Variants in KAZN observed in about 807,000 individuals in gnomAD.
KAZN encodes the protein kazrin.
Under a neutral mutation model 87.4 loss-of-function variants are expected in KAZN, and 40 were observed. That is an observed-to-expected ratio of 0.46 (90% CI 0.36 to 0.60). The LOEUF (loss-of-function observed/expected upper bound fraction) is 0.60. Among genes scored for constraint, KAZN ranks in the 20% least tolerant of loss-of-function variants. KAZN has a pLI of 0.00. For synonymous variants in KAZN, 466 were observed against 458.3 expected (o/e 1.02, Z -0.22); for missense variants, 898 against 1,073.9 (o/e 0.84, Z 2.29).
chr1:13,952,408 G>A (rs1641385535), intron 1 of KAZN, among the ~76,000 whole-genome samples: 1 of 151,516 alleles, frequency 6.6e-6, no homozygotes, highest in Non-Finnish European at 1.5e-5. Flanking sequence ...GATTGATTTG[G>A]GATGATAGGA....
chr1:14,148,297 C>T (rs1461892152), intron 1 of KAZN, among the ~76,000 whole-genome samples: 1 of 152,180 alleles, frequency 6.6e-6, no homozygotes, highest in African/African-American at 2.4e-5. Flanking sequence ...CCTCTCATCC[C>T]TGTTCTCTTC....
chr1:13,906,357 G>A (rs1456081682), intron 1 of KAZN, among the ~76,000 whole-genome samples: 1 of 152,220 alleles, frequency 6.6e-6, no homozygotes, highest in Non-Finnish European at 1.5e-5. Flanking sequence ...CCAGGCTGGA[G>A]AGAGAAATAC....
intron 1 of KAZN, among the ~76,000 whole-genome samples, chr1:14,941,470 A>G (rs1661066050): frequency 1.4e-5 from 2 of 139,694 alleles, no homozygotes; most frequent in African/African-American, 5.3e-5. Flanking sequence ...TGGAAAAAGG[A>G]GGTTGAATTT....
intron 2 of KAZN, among the ~76,000 whole-genome samples, chr1:14,357,947 TA>T (rs771050681): frequency 2.0e-4 from 30 of 152,206 alleles, no homozygotes; most frequent in Non-Finnish European, 3.8e-4. Flanking sequence ...TTAAATTAGT[TA>T]GGGAGAAGTC....
intron 1 of KAZN, among the ~76,000 whole-genome samples, chr1:14,687,431 T>C (rs1462532657): frequency 2.0e-5 from 3 of 151,940 alleles, no homozygotes; most frequent in African/African-American, 7.3e-5. Flanking sequence ...AAGGGAGGTG[T>C]AGTAAAGAAG....
chr1:14,619,856 G>A (rs1000392523), intron 1 of KAZN, among the ~76,000 whole-genome samples: 7 of 152,176 alleles, frequency 4.6e-5, no homozygotes, highest in Admixed American at 1.3e-4. Context: ...ATGTTGTAGC[G>A]TGTATCAGCA....
intron 2 of KAZN, among the ~76,000 whole-genome samples, chr1:14,523,207 G>C (rs1400354962): frequency 6.6e-6 from 1 of 152,230 alleles, no homozygotes; most frequent in Non-Finnish European, 1.5e-5. Flanking sequence ...AGAGAGCAGG[G>C]TGCTGCCTCC....
intron 2 of KAZN, among the ~76,000 whole-genome samples, chr1:14,975,025 C>T (rs985709602): frequency 6.6e-6 from 1 of 152,196 alleles, no homozygotes; most frequent in African/African-American, 2.4e-5. Context: ...CATTTTAGAA[C>T]CCTGTAAGTC....
intron 1 of KAZN, among the ~76,000 whole-genome samples, chr1:14,174,249 G>T (rs1238988091): frequency 3.3e-5 from 5 of 152,166 alleles, no homozygotes; most frequent in Non-Finnish European, 7.3e-5. Context: ...AAGAAGGGAA[G>T]TTCCGCACGG....
chr1:14,069,361 G>A (rs755672274), intron 1 of KAZN, among the ~76,000 whole-genome samples: 37 of 152,182 alleles, frequency 2.4e-4, no homozygotes, highest in Non-Finnish European at 4.8e-4. Context: ...CTACACAACC[G>A]CGATTATCAA....
At chr1:14,514,344 T>TATATATATTTATATATAA (rs1553182416) in intron 2 of KAZN, among the ~76,000 whole-genome samples, 1 of 19,642 alleles carries the variant, frequency 5.1e-5, no homozygotes, top group African/African-American at 1.9e-4. Context: ...ATATATATAT[T>TATATATATTTATATATAA]TATATATATT....
chr1:14,514,083 G>A (rs1462996424), intron 2 of KAZN, among the ~76,000 whole-genome samples: 1 of 150,420 alleles, frequency 6.6e-6, no homozygotes, highest in Non-Finnish European at 1.5e-5. Flanking sequence ...CACTTTGGGA[G>A]GCCGAGGCAG....
intron 2 of KAZN, among the ~76,000 whole-genome samples, chr1:14,405,606 A>ATGTGTG (rs111850452): frequency 0.25 from 33,814 of 135,824 alleles, 4,090 homozygotes; most frequent in Admixed American, 0.34. Flanking sequence ...ACCCAATAAA[A>ATGTGTG]TGTGTGTGTG....
At chr1:14,302,151 A>C (rs1342246387) in intron 2 of KAZN, among the ~76,000 whole-genome samples, 1 of 152,148 alleles carries the variant, frequency 6.6e-6, no homozygotes, top group African/African-American at 2.4e-5. Context: ...ATCTTTCTCT[A>C]TTTCCGAACT....
intron 2 of KAZN, among the ~76,000 whole-genome samples, chr1:14,282,240 T>C (rs1369088020): frequency 6.6e-6 from 1 of 152,200 alleles, no homozygotes; most frequent in African/African-American, 2.4e-5. Context: ...ATTTCTGCAG[T>C]CCATGAAATG....
chr1:14,369,881 G>A (rs145820178), intron 2 of KAZN, among the ~76,000 whole-genome samples: 3 of 152,306 alleles, frequency 2.0e-5, no homozygotes, highest in South Asian at 2.1e-4. Flanking sequence ...ATGGTGCTTA[G>A]TCTAAGTCAC....
At chr1:14,745,750 C>A (rs542148302) in intron 1 of KAZN, among the ~76,000 whole-genome samples, 32 of 152,272 alleles carry the variant, frequency 2.1e-4, no homozygotes, top group Admixed American at 1.6e-3. Flanking sequence ...ACTGATCCAT[C>A]CGGAGCTTCG....
chr1:14,441,928 G>A (rs1371248278), intron 2 of KAZN, among the ~76,000 whole-genome samples: 1 of 152,176 alleles, frequency 6.6e-6, no homozygotes, highest in Non-Finnish European at 1.5e-5. Context: ...AACCTTCTGA[G>A]CCTTAATTTC....
chr1:13,941,647 G>A (rs1160597589), intron 1 of KAZN, among the ~76,000 whole-genome samples: 1 of 152,184 alleles, frequency 6.6e-6, no homozygotes, highest in Non-Finnish European at 1.5e-5. Flanking sequence ...AAGCACAGCT[G>A]TGTTTCAGAT....
Sources: gnomAD v4.1 joint callset for allele counts (sites outside exome capture counted in the v4.1 genomes callset) on GRCh38, gnomAD v4.1.1 for gene constraint, MANE v1.5 for transcripts, NCBI Gene and HGNC (gene_info 2026-07-23, HGNC 2026-07-21) for gene names.